SUMF1: variants seen among roughly 807,000 people sequenced by gnomAD.
SUMF1 encodes the protein formylglycine-generating enzyme.
A neutral mutation model predicts 47.6 loss-of-function variants in SUMF1; 48 were observed. That is an observed-to-expected ratio of 1.01 (90% CI 0.80 to 1.28). The LOEUF is 1.28. Ranked by LOEUF, SUMF1 falls within the 50% of genes most tolerant of loss-of-function variation. SUMF1 has a pLI of 0.00. For synonymous variants in SUMF1, 230 were observed against 192.1 expected (o/e 1.20, Z -1.63); for missense variants, 571 against 485.4 (o/e 1.18, Z -1.66).
chr3:4,228,921 A>G (rs1459593398), intron 8 of SUMF1, among the ~76,000 whole-genome samples: 2 of 152,122 alleles, frequency 1.3e-5, no homozygotes, highest in Non-Finnish European at 2.9e-5. Context: ...TGAAGCTCAA[A>G]AAGGTGAATT....
intron 8 of SUMF1, among the ~76,000 whole-genome samples, chr3:4,080,730 G>A (rs1279568968): frequency 2.0e-5 from 3 of 152,086 alleles, no homozygotes; most frequent in South Asian, 4.1e-4. Context: ...ATTTGTACTA[G>A]ATAATTTTGT....
chr3:4,259,487 C>G (rs1204302813), intron 8 of SUMF1, among the ~76,000 whole-genome samples: 1 of 152,112 alleles, frequency 6.6e-6, no homozygotes, highest in Non-Finnish European at 1.5e-5. Context: ...TTACATATTT[C>G]TGTCTTTTTG....
intron 8 of SUMF1, among the ~76,000 whole-genome samples, chr3:4,103,738 T>A (rs1403915716): frequency 6.6e-6 from 1 of 152,084 alleles, no homozygotes; most frequent in African/African-American, 2.4e-5. Context: ...CATAATCAGA[T>A]CCTTAGACAA....
chr3:4,395,724 T>C (rs544617025), intron 7 of SUMF1, among the ~76,000 whole-genome samples: 177 of 152,324 alleles, frequency 1.2e-3, no homozygotes, highest in African/African-American at 4.0e-3. Context: ...ATTTTTGAAA[T>C]TGTATTACAC....
intron 1 of SUMF1, among the ~76,000 whole-genome samples, chr3:4,458,793 T>C (rs1267764457): frequency 6.6e-6 from 1 of 152,034 alleles, no homozygotes; most frequent in Non-Finnish European, 1.5e-5. Flanking sequence ...GAGGCGGAGC[T>C]TGCAGCGAGC....
intron 8 of SUMF1, among the ~76,000 whole-genome samples, chr3:4,247,379 C>A (rs1227315132): frequency 1.3e-5 from 2 of 152,132 alleles, no homozygotes; most frequent in East Asian, 3.9e-4. Context: ...AATCAACAGG[C>A]CCCATATTAC....
chr3:4,172,113 G>A (rs1013221250), intron 8 of SUMF1, among the ~76,000 whole-genome samples: 1 of 152,102 alleles, frequency 6.6e-6, no homozygotes, highest in African/African-American at 2.4e-5. Flanking sequence ...AATGCAAGTA[G>A]GGGGATGGAA....
chr3:4,403,482 T>C (rs1020839806), intron 7 of SUMF1, among the ~76,000 whole-genome samples: 2 of 152,252 alleles, frequency 1.3e-5, no homozygotes, highest in Admixed American at 6.5e-5. Flanking sequence ...TGCCCTGAAT[T>C]GCAAACCCAG....
At chr3:4,253,626 C>T (rs1217414686) in intron 8 of SUMF1, among the ~76,000 whole-genome samples, 1 of 151,730 alleles carries the variant, frequency 6.6e-6, no homozygotes, top group Non-Finnish European at 1.5e-5. Flanking sequence ...CAAGGAATCT[C>T]GCTGATTGCT....
intron 7 of SUMF1, among the ~76,000 whole-genome samples, chr3:4,404,346 T>G (rs932418474): frequency 9.2e-5 from 14 of 152,362 alleles, no homozygotes; most frequent in African/African-American, 3.1e-4. Flanking sequence ...CTTGTAGCTG[T>G]ATTAAATTTA....
At chr3:4,192,474 C>T (rs1695339540) in intron 8 of SUMF1, among the ~76,000 whole-genome samples, 1 of 151,822 alleles carries the variant, frequency 6.6e-6, no homozygotes, top group African/African-American at 2.4e-5. Context: ...TATATATACA[C>T]ACAAACATAC....
chr3:4,358,997 A>G (rs2125168612), downstream of SUMF1, among the ~76,000 whole-genome samples: 1 of 152,306 alleles, frequency 6.6e-6, no homozygotes, highest in Middle Eastern at 3.4e-3. Context: ...GCTGTGGTAC[A>G]ATGTACAAAG....
At chr3:4,463,747 C>T (rs2079871169) in intron 1 of SUMF1, among the ~76,000 whole-genome samples, 1 of 152,184 alleles carries the variant, frequency 6.6e-6, no homozygotes, top group African/African-American at 2.4e-5. Flanking sequence ...ATGCCACCTA[C>T]AATCTTAGCA....
chr3:4,194,545 G>T (rs1695388444), intron 8 of SUMF1, among the ~76,000 whole-genome samples: 1 of 152,118 alleles, frequency 6.6e-6, no homozygotes, highest in Non-Finnish European at 1.5e-5. Flanking sequence ...TATGGATAAG[G>T]CTTTCTTTAG....
chr3:4,420,474 G>T (rs1349616439), intron 3 of SUMF1, among the ~76,000 whole-genome samples: 1 of 147,194 alleles, frequency 6.8e-6, no homozygotes, highest in East Asian at 2.0e-4. Flanking sequence ...TTGGCTCACT[G>T]CAACCTCCGC....
At chr3:4,259,041 C>T (rs1242078701) in intron 8 of SUMF1, among the ~76,000 whole-genome samples, 1 of 148,318 alleles carries the variant, frequency 6.7e-6, no homozygotes, top group Non-Finnish European at 1.5e-5. Context: ...CATATTCTCA[C>T]TCATAGGTGG....
intron 8 of SUMF1, among the ~76,000 whole-genome samples, chr3:4,123,618 G>T (rs1026695690): frequency 1.3e-5 from 2 of 152,100 alleles, no homozygotes; most frequent in Non-Finnish European, 2.9e-5. Context: ...AAACTTCCTT[G>T]AAAAGCAGAA....
chr3:4,087,229 A>G (rs1692691705), intron 8 of SUMF1, among the ~76,000 whole-genome samples: 1 of 152,180 alleles, frequency 6.6e-6, no homozygotes, highest in Admixed American at 6.5e-5. Context: ...ACCTCAGCCA[A>G]GGTATTTAAT....
At chr3:4,067,694 T>C (rs1695409922) in intron 9 of SUMF1, among the ~76,000 whole-genome samples, 1 of 152,188 alleles carries the variant, frequency 6.6e-6, no homozygotes, top group Admixed American at 6.5e-5. Context: ...CAAATATCCG[T>C]GCTCAATCAA....
Sources: allele counts gnomAD v4.1 joint callset (sites outside exome capture counted in the v4.1 genomes callset), GRCh38; gene constraint gnomAD v4.1.1; transcripts MANE v1.5; gene names NCBI Gene and HGNC (gene_info 2026-07-23, HGNC 2026-07-21).